ZDHHC13: variants seen among roughly 807,000 people sequenced by gnomAD.
ZDHHC13 encodes the protein zDHHC palmitoyltransferase 13.
In ZDHHC13, 85 loss-of-function variants were observed where a neutral mutation model predicts 86.0. That is an observed-to-expected ratio of 0.99 (90% CI 0.83 to 1.18). The LOEUF (loss-of-function observed/expected upper bound fraction) is 1.18, where lower values mean the gene tolerates loss of function less well. Ranked by LOEUF, ZDHHC13 falls within the 50% of genes most tolerant of loss-of-function variation. ZDHHC13 has a pLI of 0.00. For synonymous variants in ZDHHC13, 263 were observed against 246.4 expected (o/e 1.07, Z -0.63); for missense variants, 711 against 730.2 (o/e 0.97, Z 0.30).
In ZDHHC13 at chr11:19,146,753, C is replaced by T. The variant is rs1849478166; in HGVS notation, c.296+450C>T. 2.0e-5 allele frequency among the ~76,000 whole-genome samples: 3 copies of T among 151,972 alleles called. No individual in the cohort carries two copies. The South Asian group carries it at 6.2e-4, about 32-fold the overall frequency. On this transcript the variant is annotated intron_variant, in intron 3 of 16. Coordinates refer to ENST00000446113, the MANE Select transcript of ZDHHC13 (RefSeq NM_019028.3). ...ATGTATTGGATTGTATAAAATATTTCCCCTTCATAAAGCACTACTGCCTAC... is the reference window on the plus strand; with the variant it reads ...ATGTATTGGATTGTATAAAATATTTTCCCTTCATAAAGCACTACTGCCTAC...
chr11:19,169,067 G>C, intron 14 of ZDHHC13: 1 of 985,446 alleles, frequency 1.0e-6, no homozygotes, highest in Non-Finnish European at 1.2e-6. Flanking sequence ...ACAACTTGCT[G>C]TTGTATCTTT....
At chr11:19,140,729 T>C (rs1228747077) in intron 1 of ZDHHC13, among the ~76,000 whole-genome samples, 2 of 152,104 alleles carry the variant, frequency 1.3e-5, no homozygotes, top group Non-Finnish European at 2.9e-5. Context: ...TGGAATACTA[T>C]GCAGCCATAA....
chr11:19,139,641 A>C (rs1223609046), intron 1 of ZDHHC13, among the ~76,000 whole-genome samples: 2 of 151,770 alleles, frequency 1.3e-5, no homozygotes, highest in African/African-American at 4.9e-5. Flanking sequence ...AGCTGGAGGC[A>C]TCACACTGCC....
At chr11:19,129,324 T>C (rs1397813793) in intron 1 of ZDHHC13, among the ~76,000 whole-genome samples, 3 of 152,218 alleles carry the variant, frequency 2.0e-5, no homozygotes, top group African/African-American at 7.2e-5. Context: ...ATATTTGCTT[T>C]GTTTCCAGTC....
Position 19,150,739 on chromosome 11 carries a change from A to G in ZDHHC13, c.532A>G (p.Thr178Ala), listed in dbSNP as rs950307097. The G allele has an allele frequency of 3.1e-6, 5 of 1,609,796 alleles. No individual in the cohort carries two copies. Among genetic ancestry groups the G allele is most frequent in the African/African-American group, 1.3e-5 (1 of 74,858 alleles). The change falls in exon 6 of 17, where the codon ACA (threonine) becomes GCA (alanine). Residue 178 changes from threonine (T) to alanine (A), a missense_variant. Thr to Ala is a moderately conservative substitution (Grantham distance 58). Transcript: ENST00000446113. The part of the protein sequence containing the change: ...LISKGQSVNM[T>A]DVNGQTPLML... The stretch of plus-strand genomic sequence containing the variant: ...TCTTTTTGAATAGAGTGTGAATATG[A>G]CAGATGTAAATGGGCAGACACCTCT...
At chr11:19,128,006 A>G (rs1047898351) in intron 1 of ZDHHC13, among the ~76,000 whole-genome samples, 5 of 152,122 alleles carry the variant, frequency 3.3e-5, no homozygotes, top group African/African-American at 1.2e-4. Context: ...TGGTAATTTG[A>G]TAGGGATAAC....
chr11:19,162,640 G>A (rs1321241398), intron 10 of ZDHHC13, among the ~76,000 whole-genome samples: 2 of 152,148 alleles, frequency 1.3e-5, no homozygotes, highest in East Asian at 3.8e-4. Flanking sequence ...TTTACTTGGA[G>A]AGTGGTGATC....
chr11:19,132,121 G>C (rs1292702302), intron 1 of ZDHHC13, among the ~76,000 whole-genome samples: 1 of 151,992 alleles, frequency 6.6e-6, no homozygotes, highest in Admixed American at 6.6e-5. Flanking sequence ...TTGCTTCTTG[G>C]CATGTTTAGT....
chr11:19,170,122 C>G (rs1850178843), intron 14 of ZDHHC13: 8 of 1,220,046 alleles, frequency 6.6e-6, no homozygotes, highest in African/African-American at 1.6e-5. Flanking sequence ...GCTAGTATAT[C>G]TTATGCTGAA....
chr11:19,149,033 C>T (rs530594695), intron 4 of ZDHHC13, among the ~76,000 whole-genome samples, 154 bp from the exon 5 acceptor site: 2 of 152,178 alleles, frequency 1.3e-5, no homozygotes, highest in South Asian at 4.2e-4. Flanking sequence ...AAGTTAAAAA[C>T]GTTTGGACAA....
At position 19,134,964 on chromosome 11, in the gene ZDHHC13, C is replaced by T. The variant is rs567345819; in HGVS notation, c.28-8014C>T. Reference sequence around the variant, plus strand: ...GGAGGATTGCCTGAGCCCTGGAATTCGAGGCTGCAGTGAGCTATGATCACA... The same window carrying T: ...GGAGGATTGCCTGAGCCCTGGAATTTGAGGCTGCAGTGAGCTATGATCACA... On this transcript the variant is annotated intron_variant, in intron 1 of 16. Transcript: ENST00000446113. Among the ~76,000 whole-genome samples, 171 of 152,210 alleles carry T rather than the reference C, an allele frequency of 1.1e-3. 1 individual carries two copies. Among genetic ancestry groups the T allele is most frequent in the African/African-American group, 4.0e-3 (167 of 41,540 alleles).
intron 16 of ZDHHC13, among the ~76,000 whole-genome samples, chr11:19,174,861 A>C (rs34811457): frequency 6.6e-6 from 1 of 152,150 alleles, no homozygotes; most frequent in South Asian, 2.1e-4. Context: ...GGAGCAGGAG[A>C]TTTATAAAGA....
Position 19,152,579 on chromosome 11 carries a change from G to A in ZDHHC13, c.768G>A (p.Met256Ile), listed in dbSNP as rs1344240872. Residue 256 changes from methionine to isoleucine, a missense_variant, in exon 8 of 17, where the codon ATG (methionine) becomes ATA (isoleucine). Transcript: ENST00000446113. ...QNVKGETPLD[M>I]ALQNKNQLII... is the part of the protein sequence containing the mutation. ...TTAAGGGAGAAACACCTCTTGATAT[G>A]GCTCTACAAAACAAAAATCAGCTCA... is the stretch of plus-strand genomic sequence containing the variant. The A allele has an allele frequency of 1.2e-6, 2 of 1,612,144 alleles. No individual in the cohort carries two copies. Among genetic ancestry groups the A allele is most frequent in the Non-Finnish European group, 8.5e-7 (1 of 1,179,026 alleles).
At chr11:19,149,644 A>G (rs1025828599) in intron 5 of ZDHHC13, among the ~76,000 whole-genome samples, 16 of 152,178 alleles carry the variant, frequency 1.1e-4, no homozygotes, top group African/African-American at 2.2e-4. Flanking sequence ...TTTTTCTTCT[A>G]GTTGAATATA....
At chr11:19,169,359 G>T in intron 14 of ZDHHC13, 2 of 985,398 alleles carry the variant, frequency 2.0e-6, no homozygotes, top group Non-Finnish European at 2.4e-6. Context: ...TGTGATGATT[G>T]CTCTTAGAAT....
chr11:19,137,013 G>A lies in ZDHHC13; in HGVS notation c.28-5965G>A, dbSNP rs886208690. ...CTAGGAAGAAACTGCATGAACTAAC[G>A]AGCAAAATAACCAGCTAACATCATA... On this transcript the variant is annotated intron_variant, in intron 1 of 16. Coordinates refer to ENST00000446113, the MANE Select transcript of ZDHHC13 (RefSeq NM_019028.3). Among the ~76,000 whole-genome samples, 7 of 151,444 alleles carry A rather than the reference G, an allele frequency of 4.6e-5. No homozygotes were observed. In the South Asian group the frequency reaches 6.3e-4, roughly 14 times the overall value.
intron 2 of ZDHHC13, among the ~76,000 whole-genome samples, chr11:19,145,065 C>T (rs573065114): frequency 1.4e-4 from 22 of 151,836 alleles, no homozygotes; most frequent in African/African-American, 4.8e-4. Flanking sequence ...GCTGAGATTG[C>T]GCCACTGCAC....
intron 10 of ZDHHC13, among the ~76,000 whole-genome samples, chr11:19,161,604 A>C (rs753306118): frequency 6.6e-6 from 1 of 151,850 alleles, no homozygotes; most frequent in Admixed American, 6.6e-5. Context: ...GATTGAATAC[A>C]ATAAAATGGA....
intron 3 of ZDHHC13, among the ~76,000 whole-genome samples, 164 bp from the exon 4 acceptor site, chr11:19,147,432 C>T (rs1235365396): frequency 6.6e-6 from 1 of 152,042 alleles, no homozygotes; most frequent in African/African-American, 2.4e-5. Context: ...TCTGATTCTG[C>T]CATGTGAACC....
Sources: gnomAD v4.1 joint callset for allele counts (sites outside exome capture counted in the v4.1 genomes callset) on GRCh38, gnomAD v4.1.1 for gene constraint, MANE v1.5 for transcripts, NCBI Gene and HGNC (gene_info 2026-07-23, HGNC 2026-07-21) for gene names.